Variants in TP63 observed in about 807,000 individuals in gnomAD.
TP63 encodes the protein tumor protein p63.
In TP63, 17 loss-of-function variants were observed where a neutral mutation model predicts 82.8. The ratio of observed to expected loss-of-function variants is 0.21; its 90% confidence interval spans 0.14 to 0.31. The LOEUF is 0.31. Ranked by LOEUF, TP63 falls within the 10% of genes least tolerant of loss-of-function variation. The pLI, the probability that TP63 is intolerant of heterozygous loss-of-function variation, is 1.00. For synonymous variants in TP63, 330 were observed against 321.7 expected, an observed-to-expected ratio of 1.03 and a Z score of -0.28; for missense variants, 648 against 895.3, an observed-to-expected ratio of 0.72 and a Z score of 3.52.
chr3:189,858,564 T>C (rs1716607633), intron 4 of TP63, among the ~76,000 whole-genome samples: 1 of 152,112 alleles, frequency 6.6e-6, no homozygotes, highest in South Asian at 2.1e-4. Flanking sequence ...CACTTAAGCC[T>C]AAGAGTTTGA....
the TP63 span, among the ~76,000 whole-genome samples, chr3:189,607,461 A>G: frequency 2.0e-5 from 3 of 152,186 alleles, no homozygotes; most frequent in African/African-American, 4.8e-5. Context: ...GTGAGAAGGT[A>G]TTCATTGCAG....
chr3:189,841,587 A>G (rs1300307137), intron 4 of TP63, among the ~76,000 whole-genome samples: 1 of 152,200 alleles, frequency 6.6e-6, no homozygotes, highest in Non-Finnish European at 1.5e-5. Flanking sequence ...CCACAAATCT[A>G]CCAGGAAAGA....
intron 4 of TP63, among the ~76,000 whole-genome samples, chr3:189,814,436 G>A (rs574161381): frequency 1.3e-4 from 20 of 152,264 alleles, no homozygotes; most frequent in South Asian, 8.3e-4. Flanking sequence ...TCAGTAGCTC[G>A]TGCCACTGGT....
At chr3:189,810,016 TA>T (rs1312790481) in intron 4 of TP63, among the ~76,000 whole-genome samples, 1 of 152,200 alleles carries the variant, frequency 6.6e-6, no homozygotes, top group Non-Finnish European at 1.5e-5. Flanking sequence ...GTCTAAAAAT[TA>T]ATGTTATTTT....
In TP63 at chr3:189,771,146, T is replaced by C. The variant is rs144414178; in HGVS notation, c.324+32372T>C. On this transcript the variant is annotated intron_variant, in intron 3 of 13. Coordinates refer to ENST00000264731, the MANE Select transcript of TP63 (RefSeq NM_003722.5). ...GTACCCATAATATTTTATACTAACA[T>C]TAAACAAGTAAAAATGTGGCTATTG... is the stretch of plus-strand genomic sequence containing the variant. Among the ~76,000 whole-genome samples the C allele has an allele frequency of 4.5e-3, 688 of 151,250 alleles. 4 individuals are homozygous for C. The highest frequency in any genetic ancestry group is 0.016 in the African/African-American group (654 of 41,214).
At chr3:189,676,764 G>T (rs979267762) in intron 1 of TP63, among the ~76,000 whole-genome samples, 1 of 151,962 alleles carries the variant, frequency 6.6e-6, no homozygotes, top group Non-Finnish European at 1.5e-5. Flanking sequence ...TTAGGAACTG[G>T]ACCACATAGC....
intron 1 of TP63, among the ~76,000 whole-genome samples, chr3:189,665,745 C>T (rs1714330093): frequency 6.6e-6 from 1 of 151,954 alleles, no homozygotes; most frequent in Non-Finnish European, 1.5e-5. Context: ...CTAACTAATA[C>T]ACCAATTACC....
At chr3:189,660,500 G>A (rs1048886273) in intron 1 of TP63, among the ~76,000 whole-genome samples, 8 of 151,980 alleles carry the variant, frequency 5.3e-5, no homozygotes, top group Non-Finnish European at 8.8e-5. Flanking sequence ...GTAATGTGAT[G>A]TCTCCAGCTT....
At chr3:189,631,734 A>G (rs895470791) in intron 1 of TP63, among the ~76,000 whole-genome samples, 157 bp downstream of exon 1, 42 of 152,148 alleles carry the variant, frequency 2.8e-4, no homozygotes, top group Admixed American at 2.4e-3. Context: ...GTCTGTGGAC[A>G]TATTTTCTGA....
intron 3 of TP63, among the ~76,000 whole-genome samples, chr3:189,767,159 T>A (rs924224078): frequency 1.3e-5 from 2 of 152,192 alleles, no homozygotes; most frequent in African/African-American, 2.4e-5. Flanking sequence ...GTAATGGTTG[T>A]AGAGTATATA....
At chr3:189,600,682 T>A in the TP63 span, among the ~76,000 whole-genome samples, 1 of 152,194 alleles carries the variant, frequency 6.6e-6, no homozygotes, top group East Asian at 1.9e-4. Flanking sequence ...TAATGTTCGA[T>A]CTAGGTCTAC....
At chr3:189,643,470 C>G (rs1243621960) in intron 1 of TP63, among the ~76,000 whole-genome samples, 1 of 134,034 alleles carries the variant, frequency 7.5e-6, no homozygotes, top group Non-Finnish European at 1.6e-5. Flanking sequence ...AAAAAAAACC[C>G]TCAATGCTTT....
intron 1 of TP63, among the ~76,000 whole-genome samples, chr3:189,708,209 G>C (rs953656644): frequency 7.2e-5 from 11 of 152,120 alleles, no homozygotes; most frequent in African/African-American, 2.7e-4. Flanking sequence ...AATTCAATTT[G>C]TACAATCTTT....
chr3:189,881,105 C>T (rs1719863294), intron 10 of TP63: 2 of 985,304 alleles, frequency 2.0e-6, no homozygotes, highest in Non-Finnish European at 2.4e-6. Context: ...TTAATTAGAG[C>T]TTCTATCCCT....
At chr3:189,668,595 A>G (rs1359305628) in intron 1 of TP63, among the ~76,000 whole-genome samples, 2 of 152,152 alleles carry the variant, frequency 1.3e-5, no homozygotes, top group Non-Finnish European at 2.9e-5. Context: ...ATGTTAAGAA[A>G]TAAAAATATT....
chr3:189,691,006 A>G (rs1389852249), intron 1 of TP63, among the ~76,000 whole-genome samples: 1 of 152,144 alleles, frequency 6.6e-6, no homozygotes, highest in African/African-American at 2.4e-5. Flanking sequence ...TTCACAGTAT[A>G]TTTAACCTTC....
upstream of TP63, among the ~76,000 whole-genome samples, chr3:189,630,302 T>C (rs1729412584): frequency 1.3e-5 from 2 of 152,142 alleles, no homozygotes; most frequent in South Asian, 4.1e-4. Flanking sequence ...AGTGGTTTTT[T>C]TTCCCCCTGT....
Position 189,869,380 on chromosome 3 carries a change from C to T in TP63, c.1186C>T (p.Pro396Ser), listed in dbSNP as rs752034733. The T allele has an allele frequency of 6.2e-7, 1 of 1,613,998 alleles. No individual in the cohort carries two copies. Among genetic ancestry groups the T allele is most frequent in the South Asian group, 1.1e-5 (1 of 91,080 alleles). ...GACATCCATCAAGAAACGAAGATCC[C>T]CAGATGATGAACTGTTATACTTACC... ...QMTSIKKRRS[P>S]DDELLYLPVR... Residue 396 changes from proline (P) to serine (S), a missense_variant, in exon 9 of 14, where the codon CCA (proline) becomes TCA (serine). Coordinates refer to ENST00000264731, the MANE Select transcript of TP63 (RefSeq NM_003722.5).
At chr3:189,635,827 A>T (rs1729742564) in intron 1 of TP63, among the ~76,000 whole-genome samples, 1 of 152,108 alleles carries the variant, frequency 6.6e-6, no homozygotes. Flanking sequence ...TACACACATT[A>T]AAAAAGTATG....
Sources: gnomAD v4.1 joint callset for allele counts (sites outside exome capture counted in the v4.1 genomes callset) on GRCh38, gnomAD v4.1.1 for gene constraint, MANE v1.5 for transcripts, NCBI Gene and HGNC (gene_info 2026-07-23, HGNC 2026-07-21) for gene names.